The following CABLES2 variants were observed in gnomAD, a reference collection of about 807,000 sequenced individuals.
CABLES2 encodes Cdk5 and Abl enzyme substrate 2.
CABLES2 carries 35 observed loss-of-function variants against 44.8 expected under a neutral mutation model. The observed-to-expected ratio is 0.78, with a 90% confidence interval of 0.60 to 1.04. The LOEUF is 1.04. CABLES2 is among the 50% of genes least tolerant of loss of function. The pLI, the probability that CABLES2 is intolerant of heterozygous loss-of-function variation, is 0.00. For missense variants in CABLES2, 566 were observed against 615.7 expected (o/e 0.92, Z 0.85); for synonymous variants, 282 against 281.1 (o/e 1.00, Z -0.03).
At chr20:62,395,163 G>A (rs1010721714) in intron 3 of CABLES2, 149 bp from the exon 4 acceptor site, 1 of 658,858 alleles carries the variant, frequency 1.5e-6, no homozygotes. Context: ...GGGGACTTGA[G>A]CCCAGGAGGC....
At chr20:62,398,274 T>C (rs1312430005) in intron 1 of CABLES2, among the ~76,000 whole-genome samples, 13 of 74,508 alleles carry the variant, frequency 1.7e-4, no homozygotes, top group East Asian at 1.4e-3. Flanking sequence ...GTGATGGCGG[T>C]GGTGGTGGTG....
intron 1 of CABLES2, among the ~76,000 whole-genome samples, chr20:62,398,538 C>G (rs1373305874): frequency 6.6e-6 from 1 of 152,224 alleles, no homozygotes; most frequent in Non-Finnish European, 1.5e-5. Flanking sequence ...CTGGGGGTCA[C>G]TTCTGGGAAC....
intron 3 of CABLES2, 137 bp from the exon 4 acceptor site, chr20:62,395,151 A>G: frequency 2.8e-6 from 2 of 714,042 alleles, no homozygotes; most frequent in Non-Finnish European, 4.8e-6. Context: ...CATGCTGTCC[A>G]AGGGGACTTG....
intron 1 of CABLES2, among the ~76,000 whole-genome samples, chr20:62,397,948 CGGT>C (rs1988057775): frequency 1.8e-4 from 2 of 11,152 alleles, no homozygotes; most frequent in East Asian, 5.8e-3. Context: ...ATGGTGGTGA[CGGT>C]AGTGGTGGTG....
In CABLES2 at chr20:62,397,995, A is replaced by ATGGTGGTGACGGTGGTGATGGCGG. The variant is rs1199005794; in HGVS notation, c.363-1404_363-1403insCCGCCATCACCACCGTCACCACCA. Among the ~76,000 whole-genome samples, 126 of 57,098 alleles carry ATGGTGGTGACGGTGGTGATGGCGG rather than the reference A, an allele frequency of 2.2e-3. 2 individuals are homozygous for ATGGTGGTGACGGTGGTGATGGCGG. Among genetic ancestry groups the ATGGTGGTGACGGTGGTGATGGCGG allele is most frequent in the Admixed American group, 0.02 (111 of 5,552 alleles). 37.5% of individuals were successfully genotyped at this position (57,098 alleles called of 152,430 possible). ...GACAGTGGTGATGGCGGTGGTGGTGATGATGGTGATGGTTATGGCGGTGGT... is the reference window on the plus strand; with the variant it reads ...GACAGTGGTGATGGCGGTGGTGGTGATGGTGGTGACGGTGGTGATGGCGGTGATGGTGATGGTTATGGCGGTGGT... On this transcript the variant is annotated intron_variant, in intron 1 of 9. Transcript: ENST00000279101.
Position 62,388,713 on chromosome 20 carries a change from G to A in CABLES2, c.*2258C>T. On this transcript the variant is annotated 3_prime_UTR_variant, in exon 10 of 10. Coordinates refer to ENST00000279101, the MANE Select transcript of CABLES2 (RefSeq NM_031215.3). The stretch of plus-strand genomic sequence containing the variant: ...TAAGACAAAATAACTCAAACATTCT[G>A]AGGTCTGATACTTGCTTATGCACAC... 2 of 578,472 alleles carry A rather than the reference G, an allele frequency of 3.5e-6. No homozygotes were observed. The highest frequency in any genetic ancestry group is 3.1e-6 in the Non-Finnish European group (1 of 327,648). The allele number at this position is 578,472 out of a possible 1,614,324, so 35.8% of individuals were successfully genotyped here.
At position 62,391,079 on chromosome 20, in the gene CABLES2, G is replaced by A. The variant is rs1433545380; in HGVS notation, c.1329C>T (p.Arg443=). 2 of 1,614,136 alleles carry A rather than the reference G, an allele frequency of 1.2e-6. No homozygotes were observed. The highest frequency in any genetic ancestry group is 2.2e-5 in the East Asian group (1 of 44,888). The part of the protein sequence containing the change: ...KLEERFRFNR[R]DLIGFEFTVL... ...CTGTGAACTCAAACCCTATCAGGTC[G>A]CGCCTGTTGAATCGAAACCTTTCTT... The change falls in exon 10 of 10, where the codon CGC becomes CGT. Residue 443 remains arginine (R), a synonymous_variant. Coordinates refer to ENST00000279101, the MANE Select transcript of CABLES2 (RefSeq NM_031215.3). The surrounding 1 kb of genome is among the most constrained non-coding windows in gnomAD (Gnocchi z 5.7).
chr20:62,398,909 G>A (rs1988136160), intron 1 of CABLES2, among the ~76,000 whole-genome samples: 1 of 152,256 alleles, frequency 6.6e-6, no homozygotes, highest in African/African-American at 2.4e-5. Flanking sequence ...GTCCTGGTTG[G>A]TACCAAGGCT....
At position 62,391,560 on chromosome 20, in the gene CABLES2, A is replaced by G. The variant is rs889463918; in HGVS notation, c.1092-107T>C. 2.9e-5 allele frequency: 32 copies of G among 1,109,418 alleles called. No homozygotes were observed. The Admixed American group carries it at 3.1e-4, about 11-fold the overall frequency. The allele number at this position is 1,109,418 out of a possible 1,614,324, so 68.7% of individuals were successfully genotyped here. A position where few individuals can be genotyped will look rare whatever the true frequency, so the allele number is the denominator to read the frequency against. On this transcript the variant is annotated intron_variant, in intron 8 of 9. Transcript: ENST00000279101. The surrounding 1 kb of genome is among the most constrained non-coding windows in gnomAD (Gnocchi z 5.7). ...CTGGAGCGATGTAGCTTTGGGCCGC[A>G]AGAAACACCACCGCATCCTTCAGGG...
At position 62,391,271 on chromosome 20, in the gene CABLES2, C is replaced by T; in HGVS notation, c.1274G>A (p.Ser425Asn). 6.2e-7 allele frequency: 1 copy of T among 1,612,046 alleles called. No homozygotes were observed. The highest frequency in any genetic ancestry group is 1.1e-5 in the South Asian group (1 of 91,072). ...AAKISSDLRKSGVTQLIDKLE... is the reference protein window; with the variant it reads ...AAKISSDLRKNGVTQLIDKLE... ...CACATCGATGAGCTGCGTCACGCCGCTCTTGCGCAGGTCACTGCTGATCTT... is the reference window on the plus strand; with the variant it reads ...CACATCGATGAGCTGCGTCACGCCGTTCTTGCGCAGGTCACTGCTGATCTT... Residue 425 changes from serine (S) to asparagine (N), a missense_variant, in exon 9 of 10, where the codon AGC becomes AAC. Around this residue, in one of 2 missense-constraint regions of CABLES2, gnomAD observed 436 missense variants for 536.3 expected, o/e 0.81. Coordinates refer to ENST00000279101, the MANE Select transcript of CABLES2 (RefSeq NM_031215.3). This position sits in a 1 kb window ranked among gnomAD's most constrained non-coding sequence, Gnocchi z 5.7.
intron 7 of CABLES2, 30 bp from the exon 8 acceptor site, chr20:62,392,525 G>A (rs764764622): frequency 1.2e-5 from 18 of 1,515,980 alleles, no homozygotes; most frequent in Middle Eastern, 1.7e-4. Context: ...GGGTTGGGCC[G>A]GCCCCTCGCA....
At chr20:62,394,310 C>A (rs1987975760) in intron 4 of CABLES2, 45 bp from the exon 5 acceptor site, 1 of 1,504,420 alleles carries the variant, frequency 6.6e-7, no homozygotes, top group African/African-American at 1.4e-5. Flanking sequence ...GCGCTGAACT[C>A]AGGCTCTGGC....
rs760322281 is a variant in CABLES2, at chr20:62,393,041, C to A, written c.881-18G>T. On this transcript the variant is annotated intron_variant, in intron 6 of 9. Transcript: ENST00000279101. Reference sequence around the variant, plus strand: ...GTCACTCCCTGTAAGAGAGGCAACCCCTGACCCACCAGGAGTCTTGAGCAG... The same window carrying A: ...GTCACTCCCTGTAAGAGAGGCAACCACTGACCCACCAGGAGTCTTGAGCAG... 1.2e-6 allele frequency: 2 copies of A among 1,601,108 alleles called. No homozygotes were observed. The highest frequency in any genetic ancestry group is 1.7e-6 in the Non-Finnish European group (2 of 1,168,652).
rs188270613 is a variant in CABLES2 at position 62,392,176 on chromosome 20, G to T, written c.1091+213C>A. 3.3e-4 allele frequency among the ~76,000 whole-genome samples: 50 copies of T among 151,830 alleles called. No homozygotes were observed. In the East Asian group the frequency reaches 8.9e-3, roughly 27 times the overall value. ...GCTGTGAGAGACCCAGTGGTGTGTG[G>T]GGGGATGCAGTGTGATGGGGCCACG... On this transcript the variant is annotated intron_variant, in intron 8 of 9. Coordinates refer to ENST00000279101, the MANE Select transcript of CABLES2 (RefSeq NM_031215.3).
chr20:62,394,302 G>A (rs750303192), intron 4 of CABLES2, 37 bp from the exon 5 acceptor site: 35 of 1,556,448 alleles, frequency 2.2e-5, no homozygotes, highest in Middle Eastern at 1.7e-4. Flanking sequence ...TGTGGTCTGC[G>A]CTGAACTCAG....
Position 62,395,017 on chromosome 20 carries a change from G to GCAGGGGGACGGAGT in CABLES2, c.528-17_528-4dup, listed in dbSNP as rs1160790990. 6.2e-7 allele frequency: 1 copy of GCAGGGGGACGGAGT among 1,612,524 alleles called. No homozygotes were observed. The highest frequency in any genetic ancestry group is 1.3e-5 in the African/African-American group (1 of 74,940). ...GCTTGGCACAGATGAGCACGATCCT[G>GCAGGGGGACGGAGT]CAGGGGGACGGAGTCAGGGGAGACG... On this transcript the variant is annotated splice_region_variant and splice_polypyrimidine_tract_variant and intron_variant, in intron 3 of 9. Transcript: ENST00000279101.
At chr20:62,397,894 C>CAGTGGTGGTGATGGTGAT (rs1569016997) in intron 1 of CABLES2, among the ~76,000 whole-genome samples, 1 of 133,222 alleles carries the variant, frequency 7.5e-6, no homozygotes, top group Non-Finnish European at 1.7e-5. Context: ...GTGGTGATGG[C>CAGTGGTGGTGATGGTGAT]GGTGGTGGTG....
chr20:62,393,398 G>T, intron 6 of CABLES2, 42 bp downstream of exon 6: 1 of 1,546,830 alleles, frequency 6.5e-7, no homozygotes, highest in South Asian at 1.2e-5. Context: ...TAAGGCACGC[G>T]GGTCACCCTG....
chr20:62,396,839 G>A lies in CABLES2; in HGVS notation c.363-247C>T, dbSNP rs995207270. ...GGGGACCAGCAGCCCTGGGGGACAG[G>A]CTCCTCAGGCATAGGATAGCACAGC... On this transcript the variant is annotated intron_variant, in intron 1 of 9. Coordinates refer to ENST00000279101, the MANE Select transcript of CABLES2 (RefSeq NM_031215.3). This position sits in a 1 kb window ranked among gnomAD's most constrained non-coding sequence, Gnocchi z 5.7. Among the ~76,000 whole-genome samples, 2 of 152,110 alleles carry A rather than the reference G, an allele frequency of 1.3e-5. No individual in the cohort carries two copies. Among genetic ancestry groups the A allele is most frequent in the Non-Finnish European group, 2.9e-5 (2 of 68,002 alleles).
Sources: allele counts gnomAD v4.1 joint callset (sites outside exome capture counted in the v4.1 genomes callset), GRCh38; gene constraint gnomAD v4.1.1; regional missense constraint gnomAD v4.1.1; non-coding constraint Gnocchi (gnomAD v3.1); transcripts MANE v1.5; gene names NCBI Gene and HGNC (gene_info 2026-07-23, HGNC 2026-07-21).